CTNNA2: variants seen among roughly 807,000 people sequenced by gnomAD.
The protein encoded by CTNNA2 is catenin alpha 2, also known as catenin alpha-2.
A neutral mutation model predicts 101.0 loss-of-function variants in CTNNA2; 42 were observed. That is an observed-to-expected ratio of 0.42 (90% CI 0.32 to 0.54). The LOEUF (loss-of-function observed/expected upper bound fraction) is 0.54. CTNNA2 is among the 20% of genes least tolerant of loss of function. The pLI is 0.14. For synonymous variants in CTNNA2, 450 were observed against 456.4 expected, an observed-to-expected ratio of 0.99 and a Z score of 0.18; for missense variants, 871 against 1,223.1, an observed-to-expected ratio of 0.71 and a Z score of 4.29.
intron 7 of CTNNA2, chr2:80,313,601 G>A (rs1377705624): frequency 6.2e-7 from 1 of 1,611,628 alleles, no homozygotes; most frequent in East Asian, 2.2e-5. Context: ...AGTAGGCAAA[G>A]TCTGTGAAAA....
intron 9 of CTNNA2, among the ~76,000 whole-genome samples, chr2:80,479,823 G>A (rs77671385): frequency 0.033 from 4,971 of 152,222 alleles, 247 homozygotes; most frequent in African/African-American, 0.11. Context: ...TAGGAAATTG[G>A]AGTCCACATT....
intron 7 of CTNNA2, among the ~76,000 whole-genome samples, chr2:80,048,184 C>T (rs888156655): frequency 1.3e-5 from 2 of 152,036 alleles, no homozygotes; most frequent in African/African-American, 4.8e-5. Context: ...ATATAAACAA[C>T]AAATGATTTT....
chr2:80,004,186 C>A (rs1558719656), intron 7 of CTNNA2, among the ~76,000 whole-genome samples: 2 of 152,134 alleles, frequency 1.3e-5, no homozygotes, highest in South Asian at 4.1e-4. Flanking sequence ...AATGTACAGT[C>A]TCCTTTATAT....
intron 2 of CTNNA2, among the ~76,000 whole-genome samples, chr2:79,206,110 C>T (rs1042083805): frequency 3.9e-5 from 6 of 152,004 alleles, no homozygotes; most frequent in Non-Finnish European, 8.8e-5. Flanking sequence ...CATTTTTGTT[C>T]ATTTATTTAC....
intron 9 of CTNNA2, among the ~76,000 whole-genome samples, chr2:80,440,416 G>T (rs78738894): frequency 0.049 from 7,386 of 152,240 alleles, 249 homozygotes; most frequent in East Asian, 0.15. Context: ...ACAGTTTTAA[G>T]AAAATCTTAG....
At chr2:80,150,651 A>G (rs1171009633) in intron 7 of CTNNA2, among the ~76,000 whole-genome samples, 3 of 152,200 alleles carry the variant, frequency 2.0e-5, no homozygotes, top group Non-Finnish European at 2.9e-5. Flanking sequence ...ATTTGGGGAG[A>G]AAAACCACAC....
At chr2:79,452,713 A>G (rs1033852910) in intron 4 of CTNNA2, among the ~76,000 whole-genome samples, 1 of 152,068 alleles carries the variant, frequency 6.6e-6, no homozygotes, top group Non-Finnish European at 1.5e-5. Flanking sequence ...TAAATAATAT[A>G]GAGCTTTCAA....
chr2:80,585,725 T>C (rs1287134898), intron 14 of CTNNA2, among the ~76,000 whole-genome samples: 1 of 152,222 alleles, frequency 6.6e-6, no homozygotes, highest in Non-Finnish European at 1.5e-5. Context: ...AAAACTCATG[T>C]GTTGAATTCT....
intron 14 of CTNNA2, among the ~76,000 whole-genome samples, chr2:80,588,083 A>G (rs1291846147): frequency 2.0e-5 from 3 of 152,244 alleles, no homozygotes; most frequent in Non-Finnish European, 2.9e-5. Flanking sequence ...ACTGATCAAT[A>G]AGTAACTATG....
intron 1 of CTNNA2, among the ~76,000 whole-genome samples, chr2:79,623,412 C>G (rs1156404816): frequency 6.6e-6 from 1 of 152,144 alleles, no homozygotes; most frequent in South Asian, 2.1e-4. Flanking sequence ...AACAGCCACA[C>G]TAATCAGCTA....
At chr2:80,562,335 A>G (rs2149676634) in intron 12 of CTNNA2, among the ~76,000 whole-genome samples, 1 of 152,326 alleles carries the variant, frequency 6.6e-6, no homozygotes, top group Non-Finnish European at 1.5e-5. Context: ...AGCTTACAAT[A>G]TAGAAATGTA....
At chr2:79,487,073 A>T (rs1048180444) in intron 4 of CTNNA2, among the ~76,000 whole-genome samples, 4 of 152,202 alleles carry the variant, frequency 2.6e-5, no homozygotes, top group Non-Finnish European at 5.9e-5. Flanking sequence ...AATGCTTTTT[A>T]AAAAATTTAG....
chr2:79,431,529 T>TGACAC (rs1280935841), intron 4 of CTNNA2, among the ~76,000 whole-genome samples: 5 of 152,188 alleles, frequency 3.3e-5, no homozygotes, highest in African/African-American at 1.2e-4. Flanking sequence ...TTGTCAGACA[T>TGACAC]GACACGTGTT....
intron 7 of CTNNA2, among the ~76,000 whole-genome samples, chr2:79,979,718 TA>T (rs776254227): frequency 6.6e-6 from 1 of 151,776 alleles, no homozygotes; most frequent in Non-Finnish European, 1.5e-5. Flanking sequence ...AATGGGAAAA[TA>T]AGTATTTAAA....
At chr2:79,485,229 A>G (rs965074156) in intron 4 of CTNNA2, among the ~76,000 whole-genome samples, 2 of 152,190 alleles carry the variant, frequency 1.3e-5, no homozygotes, top group Admixed American at 1.3e-4. Flanking sequence ...AGTAAAAAAA[A>G]AATACAATTT....
chr2:80,282,394 T>C (rs1341969416), intron 7 of CTNNA2, among the ~76,000 whole-genome samples: 2 of 152,076 alleles, frequency 1.3e-5, no homozygotes, highest in Non-Finnish European at 2.9e-5. Flanking sequence ...AATATGACAA[T>C]GTAGGCCTCT....
intron 7 of CTNNA2, among the ~76,000 whole-genome samples, chr2:79,998,766 C>T (rs927946999): frequency 6.6e-5 from 10 of 152,258 alleles, no homozygotes; most frequent in Non-Finnish European, 1.2e-4. Flanking sequence ...CATACTATTT[C>T]GATATTTATG....
intron 2 of CTNNA2, among the ~76,000 whole-genome samples, chr2:79,276,933 C>A (rs140618184): frequency 6.6e-6 from 1 of 152,126 alleles, no homozygotes; most frequent in African/African-American, 2.4e-5. Context: ...TGTTCACATG[C>A]GCATAGATGT....
intron 7 of CTNNA2, among the ~76,000 whole-genome samples, chr2:80,058,446 G>A (rs1035916223): frequency 2.6e-5 from 4 of 152,142 alleles, no homozygotes; most frequent in African/African-American, 7.2e-5. Flanking sequence ...CTGCTATATT[G>A]TTTTGATATT....
Sources: gnomAD v4.1 joint callset for allele counts (sites outside exome capture counted in the v4.1 genomes callset) on GRCh38, gnomAD v4.1.1 for gene constraint, MANE v1.5 for transcripts, NCBI Gene and HGNC (gene_info 2026-07-23, HGNC 2026-07-21) for gene names.